Variants in RNF150 observed in about 807,000 individuals in gnomAD.
The protein encoded by RNF150 is ring finger protein 150.
RNF150 carries 24 observed loss-of-function variants against 39.3 expected under a neutral mutation model. The ratio of observed to expected loss-of-function variants is 0.61; its 90% CI spans 0.44 to 0.86. RNF150 has a LOEUF of 0.86. RNF150 is among the 40% of genes least tolerant of loss of function. The probability of loss-of-function intolerance (pLI) is 0.00; values close to 1 mark genes in which losing one functional copy is unlikely to be tolerated. For missense variants in RNF150, 502 were observed against 587.8 expected (o/e 0.85, Z 1.51); for synonymous variants, 255 against 227.3 (o/e 1.12, Z -1.10).
At position 141,177,707 on chromosome 4, in the gene RNF150, G is replaced by T. The variant is rs187237837; in HGVS notation, c.-6+35087C>A. Among the ~76,000 whole-genome samples, 2 of 152,168 alleles carry T rather than the reference G, an allele frequency of 1.3e-5. 1 individual carries two copies. Among genetic ancestry groups the T allele is most frequent in the Admixed American group, 1.3e-4 (2 of 15,294 alleles). ...TTCTCTTTTCTCCGACATTATAGAA[G>T]AAAATTGATGGAACCGAATAAATTA... On this transcript the variant is annotated intron_variant, in intron 1 of 7. Transcript: ENST00000420921.
At chr4:140,991,399 A>AT (rs1246484230) in intron 1 of RNF150, among the ~76,000 whole-genome samples, 1 of 151,856 alleles carries the variant, frequency 6.6e-6, no homozygotes, top group Non-Finnish European at 1.5e-5. Flanking sequence ...GCTTTTGGTG[A>AT]TTTTGTCATG....
chr4:141,040,563 A>G (rs757449211), intron 1 of RNF150, among the ~76,000 whole-genome samples: 8 of 152,140 alleles, frequency 5.3e-5, no homozygotes, highest in Non-Finnish European at 1.2e-4. Flanking sequence ...AGGGTGATCA[A>G]ATAACTTATT....
chr4:141,212,171 G>A (rs960675047), intron 1 of RNF150, among the ~76,000 whole-genome samples: 3 of 152,126 alleles, frequency 2.0e-5, no homozygotes, highest in African/African-American at 7.2e-5. Context: ...GGATTAAAAG[G>A]TAAATAGTAG....
At chr4:140,895,403 C>T (rs187487384) in intron 6 of RNF150, among the ~76,000 whole-genome samples, 2 of 152,000 alleles carry the variant, frequency 1.3e-5, no homozygotes, top group Admixed American at 6.6e-5. Flanking sequence ...CCACAATATG[C>T]CTTGGAAGCA....
chr4:140,875,508 T>A (rs1729121606), intron 6 of RNF150, among the ~76,000 whole-genome samples: 3 of 152,092 alleles, frequency 2.0e-5, no homozygotes, highest in Admixed American at 1.3e-4. Context: ...ATTCTTAACT[T>A]AAGGATTAGT....
chr4:140,867,992 C>T lies in RNF150; in HGVS notation c.*269G>A, dbSNP rs985137639. The T allele has an allele frequency of 2.9e-6, 1 of 347,416 alleles. No individual in the cohort carries two copies. Among genetic ancestry groups the T allele is most frequent in the Non-Finnish European group, 5.2e-6 (1 of 193,560 alleles). 21.5% of individuals were successfully genotyped at this position (347,416 alleles called of 1,614,324 possible). Reference sequence around the variant, plus strand: ...GGCCTTTCAGTCTCTGTTTTAGGAGCTTCTGAAGTGTATGTCTACATGGAC... The same window carrying T: ...GGCCTTTCAGTCTCTGTTTTAGGAGTTTCTGAAGTGTATGTCTACATGGAC... On this transcript the variant is annotated 3_prime_UTR_variant, in exon 7 of 7. Transcript: ENST00000515673.
At chr4:141,061,479 G>A (rs751031576) in intron 1 of RNF150, among the ~76,000 whole-genome samples, 16 of 152,058 alleles carry the variant, frequency 1.1e-4, no homozygotes, top group Non-Finnish European at 1.8e-4. Flanking sequence ...TCAGACTAGT[G>A]GTATGCACTA....
chr4:141,088,428 G>A (rs1738451307), intron 1 of RNF150, among the ~76,000 whole-genome samples: 1 of 152,190 alleles, frequency 6.6e-6, no homozygotes, highest in African/African-American at 2.4e-5. Context: ...ACCTGTTTGT[G>A]TAAGTTATAT....
At chr4:140,880,344 T>A (rs1729325824) in intron 6 of RNF150, among the ~76,000 whole-genome samples, 1 of 152,192 alleles carries the variant, frequency 6.6e-6, no homozygotes, top group South Asian at 2.1e-4. Context: ...ATTCCAGGGA[T>A]AAATCCCACT....
chr4:141,057,776 G>A (rs964154879), intron 1 of RNF150, among the ~76,000 whole-genome samples: 5 of 151,854 alleles, frequency 3.3e-5, no homozygotes, highest in Admixed American at 6.6e-5. Context: ...AGCAAACCTC[G>A]GCAAGAGACC....
At position 140,911,315 on chromosome 4, in the gene RNF150, C is replaced by T. The variant is rs1011313162; in HGVS notation, c.1027G>A (p.Glu343Lys). Residue 343 changes from glutamate (E) to lysine (K), a missense_variant, in exon 6 of 7, where the codon GAG becomes AAG. Transcript: ENST00000515673. ...GTGGGTGGACCTCCCAGAGAGCCCT[C>T]GAAGTCAGTGGGCAAGTCGTCCATG... ...DCMDDLPTDF[E>K]GSLGGPPTNQ... The T allele has an allele frequency of 2.5e-6, 4 of 1,614,066 alleles. No homozygotes were observed. The highest frequency in any genetic ancestry group is 3.4e-6 in the Non-Finnish European group (4 of 1,180,012).
At chr4:141,065,754 G>A (rs1459841500) in intron 1 of RNF150, among the ~76,000 whole-genome samples, 1 of 151,666 alleles carries the variant, frequency 6.6e-6, no homozygotes, top group Non-Finnish European at 1.5e-5. Flanking sequence ...AGACCAGTGG[G>A]GTATGATATT....
intron 1 of RNF150, among the ~76,000 whole-genome samples, chr4:141,047,185 C>T (rs139713550): frequency 1.1e-4 from 16 of 152,124 alleles, no homozygotes; most frequent in African/African-American, 3.4e-4. Context: ...AGCTTTACTG[C>T]ATCTGAAAAT....
intron 1 of RNF150, among the ~76,000 whole-genome samples, chr4:141,087,253 T>C (rs942858060): frequency 8.5e-5 from 13 of 152,218 alleles, no homozygotes; most frequent in Non-Finnish European, 1.9e-4. Flanking sequence ...TTTCTGTTCC[T>C]GAATTAGTTC....
intron 1 of RNF150, among the ~76,000 whole-genome samples, chr4:141,131,214 C>T (rs1578756999): frequency 1.3e-5 from 2 of 152,368 alleles, no homozygotes; most frequent in Middle Eastern, 6.8e-3. Context: ...AGCAGCGTAA[C>T]TATTTATTCA....
At chr4:141,164,057 T>C (rs932857275) in intron 1 of RNF150, among the ~76,000 whole-genome samples, 12 of 151,052 alleles carry the variant, frequency 7.9e-5, no homozygotes, top group African/African-American at 2.7e-4. Flanking sequence ...AGAACCTTGA[T>C]AAAACGTTAC....
intron 6 of RNF150, among the ~76,000 whole-genome samples, chr4:140,895,253 T>C (rs933125429): frequency 1.3e-5 from 2 of 152,202 alleles, no homozygotes; most frequent in African/African-American, 4.8e-5. Context: ...TAAGTGAGTA[T>C]ATTTTTCTAT....
intron 1 of RNF150, among the ~76,000 whole-genome samples, chr4:141,019,403 T>C (rs1484668808): frequency 6.6e-6 from 1 of 152,138 alleles, no homozygotes; most frequent in Non-Finnish European, 1.5e-5. Flanking sequence ...AGTATCACTG[T>C]CATTCTTTGT....
intron 6 of RNF150, among the ~76,000 whole-genome samples, chr4:140,896,699 A>G (rs1468281265): frequency 4.5e-5 from 2 of 44,390 alleles, no homozygotes; most frequent in Non-Finnish European, 1.2e-4. Context: ...AAAAAAAAAA[A>G]ACAAAAAAAC....
Sources: allele counts gnomAD v4.1 joint callset (sites outside exome capture counted in the v4.1 genomes callset), GRCh38; gene constraint gnomAD v4.1.1; transcripts MANE v1.5; gene names NCBI Gene and HGNC (gene_info 2026-07-23, HGNC 2026-07-21).